ANTXR1: variants seen among roughly 807,000 people sequenced by gnomAD.
ANTXR1 encodes ANTXR cell adhesion molecule 1, also known as anthrax toxin receptor 1.
A neutral mutation model predicts 78.1 loss-of-function variants in ANTXR1; 19 were observed. The observed-to-expected ratio is 0.24, with a 90% CI of 0.17 to 0.36. ANTXR1 has a LOEUF of 0.36. Ranked by LOEUF, ANTXR1 falls within the 10% of genes least tolerant of loss-of-function variation. The probability of loss-of-function intolerance (pLI) is 1.00; values close to 1 mark genes in which losing one functional copy is unlikely to be tolerated. For missense variants in ANTXR1, 518 were observed against 718.6 expected (o/e 0.72, Z 3.19); for synonymous variants, 273 against 260.5 (o/e 1.05, Z -0.46).
intron 10 of ANTXR1, among the ~76,000 whole-genome samples, chr2:69,117,965 G>A (rs1672206457): frequency 6.6e-6 from 1 of 152,118 alleles, no homozygotes; most frequent in African/African-American, 2.4e-5. Flanking sequence ...ATACTCATTG[G>A]CCCCCAAATC....
intron 12 of ANTXR1, chr2:69,146,323 TA>T: frequency 2.0e-6 from 2 of 985,472 alleles, no homozygotes; most frequent in Non-Finnish European, 2.4e-6. Flanking sequence ...CACTTGCTGT[TA>T]AAATTGTTAA....
At chr2:69,157,764 C>T (rs148010044) in intron 13 of ANTXR1, among the ~76,000 whole-genome samples, 3 of 152,286 alleles carry the variant, frequency 2.0e-5, no homozygotes, top group African/African-American at 4.8e-5. Flanking sequence ...TCTAGGATTC[C>T]GCATCTCCCA....
chr2:69,222,108 C>T (rs984464250), intron 17 of ANTXR1, among the ~76,000 whole-genome samples: 6 of 152,204 alleles, frequency 3.9e-5, no homozygotes, highest in Admixed American at 1.3e-4. Context: ...ACACCACCAT[C>T]ACTTCTGTGG....
At chr2:69,044,864 A>G (rs775088878) in intron 3 of ANTXR1, 51 bp downstream of exon 3, 5 of 1,572,094 alleles carry the variant, frequency 3.2e-6, no homozygotes, top group Non-Finnish European at 3.5e-6. Flanking sequence ...CTTCCTGAGT[A>G]GCCCTGAGAT....
At chr2:69,183,835 C>T (rs1674352290) in intron 16 of ANTXR1, among the ~76,000 whole-genome samples, 1 of 152,148 alleles carries the variant, frequency 6.6e-6, no homozygotes, top group South Asian at 2.1e-4. Context: ...TCAGAGAGCA[C>T]TGGAAAATTA....
At position 69,189,234 on chromosome 2, in the gene ANTXR1, C is replaced by T. The variant is rs1322625472; in HGVS notation, c.1354-4101C>T. 2.6e-5 allele frequency among the ~76,000 whole-genome samples: 4 copies of T among 152,318 alleles called. No homozygotes were observed. The East Asian group carries it at 7.7e-4, about 29-fold the overall frequency. On this transcript the variant is annotated intron_variant, in intron 16 of 17. Transcript: ENST00000303714. The stretch of plus-strand genomic sequence containing the variant: ...ATACACCTGGAACTAGCTAATCTCG[C>T]CTTGGCCAGAAGAGCCCAATGACAG...
chr2:69,116,836 A>G (rs1239553027), intron 10 of ANTXR1, among the ~76,000 whole-genome samples: 1 of 152,218 alleles, frequency 6.6e-6, no homozygotes, highest in African/African-American at 2.4e-5. Context: ...TATTTGGATT[A>G]TTTAATCCAC....
At chr2:69,207,310 G>A (rs758234628) in intron 17 of ANTXR1, among the ~76,000 whole-genome samples, 1 of 152,152 alleles carries the variant, frequency 6.6e-6, no homozygotes, top group Non-Finnish European at 1.5e-5. Flanking sequence ...TATGGCAACA[G>A]TTTGACTATT....
chr2:69,070,863 C>A, intron 4 of ANTXR1, 135 bp downstream of exon 4: 1 of 796,654 alleles, frequency 1.3e-6, no homozygotes, highest in Non-Finnish European at 2.2e-6. Flanking sequence ...ATTTTCTTCC[C>A]ATAAGCTTGT....
At chr2:69,088,643 T>C (rs77083469) in intron 8 of ANTXR1, among the ~76,000 whole-genome samples, 4,946 of 152,064 alleles carry the variant, frequency 0.033, 255 homozygotes, top group African/African-American at 0.11. Flanking sequence ...GATTGGCAAA[T>C]GGACAATCTT....
At chr2:69,128,854 C>A (rs748388939) in intron 12 of ANTXR1, among the ~76,000 whole-genome samples, 7 of 152,178 alleles carry the variant, frequency 4.6e-5, no homozygotes, top group Non-Finnish European at 1.0e-4. Context: ...CAGTTCATCA[C>A]CTGGAACCAA....
intron 10 of ANTXR1, among the ~76,000 whole-genome samples, chr2:69,105,559 T>A (rs1048373229): frequency 2.0e-5 from 3 of 152,194 alleles, no homozygotes; most frequent in African/African-American, 7.2e-5. Flanking sequence ...GATGAACAAA[T>A]TCTAAAATGC....
intron 12 of ANTXR1, chr2:69,145,513 A>T (rs928443219): frequency 6.9e-7 from 1 of 1,452,328 alleles, no homozygotes; most frequent in Admixed American, 2.5e-5. Context: ...ACGCACACTG[A>T]GTGCCCCAAC....
chr2:69,118,715 C>T (rs956922146), intron 10 of ANTXR1, among the ~76,000 whole-genome samples: 85 of 152,186 alleles, frequency 5.6e-4, no homozygotes, highest in African/African-American at 1.5e-3. Flanking sequence ...GAGGCTGGCA[C>T]GGCCCTGGGG....
chr2:69,061,794 A>G (rs79606795), intron 3 of ANTXR1, among the ~76,000 whole-genome samples: 3,577 of 152,348 alleles, frequency 0.023, 147 homozygotes, highest in African/African-American at 0.081. Context: ...GTGTATTTGT[A>G]TGCTGGTAAT....
intron 1 of ANTXR1, among the ~76,000 whole-genome samples, chr2:69,017,494 T>C (rs934464561): frequency 2.0e-5 from 3 of 152,172 alleles, no homozygotes; most frequent in African/African-American, 7.2e-5. Context: ...CATTTCAGCT[T>C]TAAGCAAGCT....
intron 3 of ANTXR1, among the ~76,000 whole-genome samples, chr2:69,061,213 G>C (rs1345826192): frequency 2.0e-5 from 3 of 152,132 alleles, no homozygotes; most frequent in African/African-American, 2.4e-5. Context: ...CTTCCCACTA[G>C]AGTTTGAAAA....
intron 14 of ANTXR1, among the ~76,000 whole-genome samples, chr2:69,180,944 AC>A (rs761322521): frequency 1.3e-5 from 2 of 152,186 alleles, no homozygotes; most frequent in African/African-American, 2.4e-5. Flanking sequence ...GGACAAGGGG[AC>A]ACTGTGCACA....
Position 69,102,936 on chromosome 2 carries a change from A to G in ANTXR1, c.798A>G (p.Thr266=), listed in dbSNP as rs780832802. ...LCSFKINDSV[T]LNEKPFSVED... ...GCTTCAAGATCAATGACTCGGTCACACTCAGTAAGTCCTTGCAGAGTCCAT... is the reference window on the plus strand; with the variant it reads ...GCTTCAAGATCAATGACTCGGTCACGCTCAGTAAGTCCTTGCAGAGTCCAT... Residue 266 remains threonine (T), a synonymous_variant, in exon 10 of 18, where the codon ACA becomes ACG. Transcript: ENST00000303714. 2 of 1,613,972 alleles carry G rather than the reference A, an allele frequency of 1.2e-6. No homozygotes were observed. The highest frequency in any genetic ancestry group is 1.7e-6 in the Non-Finnish European group (2 of 1,180,016).
Sources: allele counts gnomAD v4.1 joint callset (sites outside exome capture counted in the v4.1 genomes callset), GRCh38; gene constraint gnomAD v4.1.1; transcripts MANE v1.5; gene names NCBI Gene and HGNC (gene_info 2026-07-23, HGNC 2026-07-21).